ACTR6: variants seen among roughly 807,000 people sequenced by gnomAD.
ACTR6 encodes the protein actin-related protein 6.
A neutral mutation model predicts 52.5 loss-of-function variants in ACTR6; 50 were observed. The ratio of observed to expected loss-of-function variants is 0.95; its 90% CI spans 0.76 to 1.20. ACTR6 has a LOEUF of 1.20. Ranked by LOEUF, ACTR6 falls within the 50% of genes most tolerant of loss-of-function variation. The probability of loss-of-function intolerance (pLI) is 0.00; values close to 1 mark genes in which losing one functional copy is unlikely to be tolerated. For synonymous variants in ACTR6, 135 were observed against 147.2 expected (o/e 0.92, Z 0.60); for missense variants, 344 against 472.4 (o/e 0.73, Z 2.52).
At chr12:100,201,075 T>A (rs2096109273) in intron 1 of ACTR6, 156 bp downstream of exon 1, 1 of 1,471,566 alleles carries the variant, frequency 6.8e-7, no homozygotes, top group Non-Finnish European at 9.0e-7. Context: ...GTGATTGTGA[T>A]GCTTTGAATT....
chr12:100,203,086 T>C (rs2096111220), intron 1 of ACTR6, among the ~76,000 whole-genome samples: 1 of 152,168 alleles, frequency 6.6e-6, no homozygotes. Context: ...TTCCTGCTCC[T>C]ATGAGAATCT....
chr12:100,223,718 A>C, intron 10 of ACTR6, 68 bp from the exon 11 acceptor site: 1 of 1,543,686 alleles, frequency 6.5e-7, no homozygotes, highest in Non-Finnish European at 8.8e-7. Flanking sequence ...ACCTAATAGT[A>C]ATTTATGTTT....
At position 100,207,571 on chromosome 12, in the gene ACTR6, T is replaced by C. The variant is rs1016287028; in HGVS notation, c.256-92T>C. 16 of 1,171,500 alleles carry C rather than the reference T, an allele frequency of 1.4e-5. No individual in the cohort carries two copies. The African/African-American group carries it at 2.2e-4, about 16-fold the overall frequency. 72.6% of individuals were successfully genotyped at this position (1,171,500 alleles called of 1,614,324 possible). On this transcript the variant is annotated intron_variant, in intron 3 of 10. Transcript: ENST00000188312. ...GATAGTAATAAGACATCACGATTAT[T>C]GTGAGGATTAAATAAATTTGTTTGT...
At chr12:100,211,313 C>T (rs565773544) in intron 6 of ACTR6, among the ~76,000 whole-genome samples, 1 of 152,326 alleles carries the variant, frequency 6.6e-6, no homozygotes, top group South Asian at 2.1e-4. Flanking sequence ...GTCTTTGTCA[C>T]CCAGGCTGGA....
rs2153901109 is a variant in ACTR6 at position 100,220,107 on chromosome 12, C to T, written c.1022C>T (p.Thr341Ile). 6.2e-7 allele frequency: 1 copy of T among 1,613,886 alleles called. No homozygotes were observed. The highest frequency in any genetic ancestry group is 1.1e-5 in the South Asian group (1 of 91,066). The change falls in exon 10 of 11, where the codon ACT becomes ATT. Residue 341 changes from threonine to isoleucine, a missense_variant. Transcript: ENST00000188312. ...DRVYSEVRCL[T>I]PTDYDVSVVL... is the part of the protein sequence containing the mutation. Reference sequence around the variant, plus strand: ...GTTTACTCAGAAGTTCGATGTCTTACTCCAACAGATTATGATGTTTCTGTT... The same window carrying T: ...GTTTACTCAGAAGTTCGATGTCTTATTCCAACAGATTATGATGTTTCTGTT...
chr12:100,220,570 AT>A (rs1275587619), intron 10 of ACTR6, among the ~76,000 whole-genome samples: 12 of 152,196 alleles, frequency 7.9e-5, no homozygotes, highest in African/African-American at 2.9e-4. Context: ...TTGTTTTAGA[AT>A]TTTTTAAATT....
chr12:100,206,687 T>TG (rs201066786), intron 3 of ACTR6, among the ~76,000 whole-genome samples: 5 of 150,280 alleles, frequency 3.3e-5, no homozygotes, highest in African/African-American at 7.4e-5. Flanking sequence ...TTTTTTTTTT[T>TG]AGGGGGAGTC....
intron 8 of ACTR6, among the ~76,000 whole-genome samples, chr12:100,215,239 C>A (rs1022776506): frequency 2.6e-5 from 4 of 152,172 alleles, no homozygotes; most frequent in Non-Finnish European, 5.9e-5. Flanking sequence ...AAAACCTCTT[C>A]CAGATGATTG....
chr12:100,207,758 C>T lies in ACTR6; in HGVS notation c.351C>T (p.Tyr117=), dbSNP rs115087364. The stretch of plus-strand genomic sequence containing the variant: ...TGAATGAAATTCTATTTGAAGAATA[C>T]CAGTTTCAAGCAGTATTAAGAGTAA... ...ESMNEILFEE[Y]QFQAVLRVNA... The change falls in exon 4 of 11, where the codon TAC becomes TAT. Residue 117 remains tyrosine, a synonymous_variant. Transcript: ENST00000188312. 801 of 1,597,884 alleles carry T rather than the reference C, an allele frequency of 5.0e-4. 2 individuals are homozygous for T. In the African/African-American group the frequency reaches 9.5e-3, roughly 19 times the overall value.
Position 100,204,978 on chromosome 12 carries a change from G to A in ACTR6, c.107G>A (p.Arg36His), listed in dbSNP as rs772372420. 31 of 1,612,280 alleles carry A rather than the reference G, an allele frequency of 1.9e-5. No homozygotes were observed. Among genetic ancestry groups the A allele is most frequent in the African/African-American group, 2.7e-5 (2 of 74,974 alleles). The change falls in exon 2 of 11, where the codon CGT becomes CAT. Residue 36 changes from arginine (R) to histidine (H), a missense_variant. By Grantham distance (29) the Arg-to-His change is conservative. Transcript: ENST00000188312. ...PNCQFRSKTA[R>H]LKTFTANQID... ...TGTCAGTTCCGGTCAAAAACAGCAC[G>A]TCTTAAAACTTTTACTGCCAACCAG...
rs1050393990 is a variant in ACTR6, at chr12:100,202,714, G to A, written c.68+1795G>A. ...TCTACTAAAAATACAAAAATTAGCC[G>A]GGCGTAGTGGCAGGCGCCTGTAGTC... On this transcript the variant is annotated intron_variant, in intron 1 of 10. Transcript: ENST00000188312. Among the ~76,000 whole-genome samples, 24 of 152,176 alleles carry A rather than the reference G, an allele frequency of 1.6e-4. No individual in the cohort carries two copies. The East Asian group carries it at 4.3e-3, about 27-fold the overall frequency.
Position 100,221,790 on chromosome 12 carries a change from G to A in ACTR6, c.1061+1644G>A, listed in dbSNP as rs951266556. Reference sequence around the variant, plus strand: ...AGCCTGGGCAACAGTGTTTGACCCCGTCTCTAAAAAAAAAGAAGGAAAAAA... The same window carrying A: ...AGCCTGGGCAACAGTGTTTGACCCCATCTCTAAAAAAAAAGAAGGAAAAAA... On this transcript the variant is annotated intron_variant, in intron 10 of 10. Transcript: ENST00000188312. 8 of 150,792 alleles carry A rather than the reference G, an allele frequency of 5.3e-5. No individual in the cohort carries two copies. The South Asian group carries it at 6.3e-4, about 12-fold the overall frequency. The allele number at this position is 150,792 out of a possible 1,614,324, so 9.3% of individuals were successfully genotyped here. A position where few individuals can be genotyped will look rare whatever the true frequency, so the allele number is the denominator to read the frequency against.
chr12:100,219,173 A>G (rs1257180127), intron 9 of ACTR6, among the ~76,000 whole-genome samples: 7 of 151,410 alleles, frequency 4.6e-5, no homozygotes, highest in Admixed American at 1.3e-4. Flanking sequence ...AAAAAAAAAA[A>G]AAAAAAGAAA....
intron 1 of ACTR6, among the ~76,000 whole-genome samples, chr12:100,201,548 C>G (rs2096109691): frequency 6.6e-6 from 1 of 152,224 alleles, no homozygotes; most frequent in Admixed American, 6.5e-5. Context: ...TTCCTCCCTC[C>G]TTTCCTTCTT....
Position 100,218,399 on chromosome 12 carries a change from CTTCT to C in ACTR6, c.751-13_751-10del. The C allele has an allele frequency of 6.3e-7, 1 of 1,599,014 alleles. No individual in the cohort carries two copies. The highest frequency in any genetic ancestry group is 8.5e-7 in the Non-Finnish European group (1 of 1,173,294). On this transcript the variant is annotated splice_polypyrimidine_tract_variant and intron_variant, in intron 8 of 10. Transcript: ENST00000188312. This position sits in a 1 kb window ranked among gnomAD's most constrained non-coding sequence, Gnocchi z 4.2. Reference sequence around the variant, plus strand: ...AGATAATATAACTTAAACTTTTAATCTTCTTTGTCTTTAAGCCAAGGGAAGAGAT... The same window carrying C: ...AGATAATATAACTTAAACTTTTAATCTTGTCTTTAAGCCAAGGGAAGAGAT...
chr12:100,200,977 A>G lies in ACTR6; in HGVS notation c.68+58A>G, dbSNP rs981459826. 3.7e-6 allele frequency: 6 copies of G among 1,612,512 alleles called. No individual in the cohort carries two copies. In the Admixed American group the frequency reaches 6.7e-5, roughly 18 times the overall value. On this transcript the variant is annotated intron_variant, in intron 1 of 10. Coordinates refer to ENST00000188312, the MANE Select transcript of ACTR6 (RefSeq NM_022496.5). The stretch of plus-strand genomic sequence containing the variant: ...TATACGCCTAGTGGTTTCATGTGCT[A>G]CGTTTCATCTCCGGACATCAATGAA...
intron 10 of ACTR6, among the ~76,000 whole-genome samples, chr12:100,221,953 C>A (rs2096128665): frequency 6.6e-6 from 1 of 151,418 alleles, no homozygotes; most frequent in South Asian, 2.1e-4. Flanking sequence ...AAATTTTTTT[C>A]AATTTTTTTT....
chr12:100,213,118 T>A (rs1235997306), intron 8 of ACTR6, among the ~76,000 whole-genome samples: 1 of 149,846 alleles, frequency 6.7e-6, no homozygotes, highest in Non-Finnish European at 1.5e-5. Context: ...TGAGACAACA[T>A]CTCACTCTGT....
intron 1 of ACTR6, among the ~76,000 whole-genome samples, chr12:100,204,645 G>T (rs904062832): frequency 1.3e-5 from 2 of 152,002 alleles, no homozygotes. Flanking sequence ...GATTACAGGC[G>T]TGAGCCACCA....
Sources: gnomAD v4.1 joint callset for allele counts (sites outside exome capture counted in the v4.1 genomes callset) on GRCh38, gnomAD v4.1.1 for gene constraint, Gnocchi (gnomAD v3.1) non-coding constraint, MANE v1.5 for transcripts, NCBI Gene and HGNC (gene_info 2026-07-23, HGNC 2026-07-21) for gene names.